The following BEAN1 variants were observed in gnomAD, a reference collection of about 807,000 sequenced individuals.
The protein encoded by BEAN1 is protein BEAN1.
A neutral mutation model predicts 17.7 loss-of-function variants in BEAN1; 17 were observed. The observed-to-expected ratio is 0.96, with a 90% confidence interval of 0.66 to 1.44. BEAN1 has a LOEUF of 1.44. Ranked by LOEUF, BEAN1 falls within the 40% of genes most tolerant of loss-of-function variation. BEAN1 has a pLI of 0.00. For synonymous variants in BEAN1, 142 were observed against 151.8 expected, an observed-to-expected ratio of 0.94 and a Z score of 0.47; for missense variants, 359 against 374.1, an observed-to-expected ratio of 0.96 and a Z score of 0.33.
chr16:66,478,533 C>T (rs984307539), intron 4 of BEAN1, among the ~76,000 whole-genome samples: 2 of 152,130 alleles, frequency 1.3e-5, no homozygotes, highest in African/African-American at 4.8e-5. Context: ...ACCCGGGAGG[C>T]GGAGGTTGTA....
At chr16:66,438,950 A>G (rs1962141616) in intron 2 of BEAN1, among the ~76,000 whole-genome samples, 1 of 152,080 alleles carries the variant, frequency 6.6e-6, no homozygotes, top group Non-Finnish European at 1.5e-5. Flanking sequence ...TCCCCTGCTC[A>G]CTGTGGGTAA....
At position 66,481,009 on chromosome 16, in the gene BEAN1, A is replaced by T; in HGVS notation, c.*84A>T. On this transcript the variant is annotated 3_prime_UTR_variant, in exon 5 of 5. Transcript: ENST00000536005. This position sits in a 1 kb window ranked among gnomAD's most constrained non-coding sequence, Gnocchi z 4.1. ...CACAAAGGCGTGCACACACACACAG[A>T]GATGCACACGTGACTCATAACACAC... is the stretch of plus-strand genomic sequence containing the variant. The T allele has an allele frequency of 8.5e-7, 1 of 1,180,994 alleles. No homozygotes were observed. The allele number at this position is 1,180,994 out of a possible 1,614,324, so 73.2% of individuals were successfully genotyped here. A position where few individuals can be genotyped will look rare whatever the true frequency, so the allele number is the denominator to read the frequency against.
chr16:66,438,516 C>T (rs1202548334), intron 2 of BEAN1, among the ~76,000 whole-genome samples: 2 of 152,150 alleles, frequency 1.3e-5, no homozygotes, highest in Non-Finnish European at 2.9e-5. Context: ...ACACACTTCT[C>T]GGGGTTTACT....
chr16:66,486,684 C>G (rs1348747538), downstream of BEAN1, among the ~76,000 whole-genome samples: 2 of 152,234 alleles, frequency 1.3e-5, no homozygotes, highest in Non-Finnish European at 1.5e-5. Flanking sequence ...ACATTCATCT[C>G]TCCTGGAATG....
At position 66,473,696 on chromosome 16, in the gene BEAN1, CTAAA is replaced by C. The variant is rs535920093; in HGVS notation, c.290-3840_290-3837del. Reference sequence around the variant, plus strand: ...TGAGCAACAGAGCAAGACCCTGTCTCTAAATAAATAAATAAATAAATAAATAATA... The same window carrying C: ...TGAGCAACAGAGCAAGACCCTGTCTCTAAATAAATAAATAAATAAATAATA... On this transcript the variant is annotated intron_variant, in intron 3 of 4. Transcript: ENST00000536005. The surrounding 1 kb of genome is among the most constrained non-coding windows in gnomAD (Gnocchi z 4.5). Among the ~76,000 whole-genome samples, 397 of 151,426 alleles carry C rather than the reference CTAAA, an allele frequency of 2.6e-3. No individual in the cohort carries two copies. Among genetic ancestry groups the C allele is most frequent in the African/African-American group, 8.8e-3 (364 of 41,350 alleles).
At chr16:66,461,191 C>T (rs1299593653) in intron 2 of BEAN1, among the ~76,000 whole-genome samples, 2 of 129,106 alleles carry the variant, frequency 1.5e-5, no homozygotes, top group Non-Finnish European at 3.2e-5. Flanking sequence ...ACAGGGAGAC[C>T]GGGGGTGGGA....
At chr16:66,449,541 A>C (rs955988838) in intron 2 of BEAN1, among the ~76,000 whole-genome samples, 1 of 129,740 alleles carries the variant, frequency 7.7e-6, no homozygotes, top group African/African-American at 3.0e-5. Context: ...CAGGAGGCAG[A>C]TGTTGCAGTG....
exon 5 of BEAN1, chr16:66,492,996 C>G (rs1346004532): frequency 5.7e-6 from 4 of 702,904 alleles, no homozygotes; most frequent in Non-Finnish European, 1.0e-5. Flanking sequence ...TGGGTGCGAT[C>G]TATGCTTTCC....
In BEAN1 at chr16:66,477,844, G is replaced by A. The variant is rs543025174; in HGVS notation, c.440+134G>A. 4.7e-6 allele frequency: 5 copies of A among 1,056,064 alleles called. No homozygotes were observed. The African/African-American group carries it at 8.4e-5, about 18-fold the overall frequency. 65.4% of individuals were successfully genotyped at this position (1,056,064 alleles called of 1,614,324 possible). ...CAGAAAACATCTGCTCAGTGGGCAT[G>A]GCCACCTCCTCCCCACTCCTGACCA... is the stretch of plus-strand genomic sequence containing the variant. On this transcript the variant is annotated intron_variant, in intron 4 of 4. Coordinates refer to ENST00000536005, the MANE Select transcript of BEAN1 (RefSeq NM_001178020.3).
At chr16:66,430,515 A>T (rs1961756450) in intron 1 of BEAN1, among the ~76,000 whole-genome samples, 1 of 152,248 alleles carries the variant, frequency 6.6e-6, no homozygotes, top group South Asian at 2.1e-4. Context: ...GATGATATGT[A>T]ATCAGTTATT....
At chr16:66,457,227 C>T (rs772272621) in intron 2 of BEAN1, among the ~76,000 whole-genome samples, 9 of 152,006 alleles carry the variant, frequency 5.9e-5, no homozygotes, top group South Asian at 4.2e-4. Flanking sequence ...GGATGAATGA[C>T]GGATGGATGG....
intron 4 of BEAN1, 130 bp downstream of exon 4, chr16:66,477,840 G>C (rs751776709): frequency 3.8e-5 from 42 of 1,111,254 alleles, no homozygotes; most frequent in Non-Finnish European, 4.5e-5. Context: ...TGCTCAGTGG[G>C]CATGGCCACC....
In BEAN1 at chr16:66,481,936, G is replaced by A. The variant is rs1377158378; in HGVS notation, c.*1011G>A. On this transcript the variant is annotated 3_prime_UTR_variant, in exon 5 of 5. Transcript: ENST00000536005. The surrounding 1 kb of genome is among the most constrained non-coding windows in gnomAD (Gnocchi z 4.1). The stretch of plus-strand genomic sequence containing the variant: ...GTGGCTGCTCATAGCTGGGGATGGT[G>A]AGTGGCTGTGTTCTGGCCTTGCCCA... 6.5e-6 allele frequency: 1 copy of A among 152,726 alleles called. No individual in the cohort carries two copies. The highest frequency in any genetic ancestry group is 2.4e-5 in the African/African-American group (1 of 41,460). The allele number at this position is 152,726 out of a possible 1,614,324, so 9.5% of individuals were successfully genotyped here.
At chr16:66,469,559 C>T in intron 2 of BEAN1, 43 bp from the exon 3 acceptor site, 1 of 1,501,838 alleles carries the variant, frequency 6.7e-7, no homozygotes, top group Non-Finnish European at 8.9e-7. Flanking sequence ...AGGGGTGTGG[C>T]AGGCCTGGGC....
chr16:66,429,192 A>G (rs985663899), intron 1 of BEAN1, among the ~76,000 whole-genome samples: 15 of 152,304 alleles, frequency 9.8e-5, no homozygotes, highest in African/African-American at 3.1e-4. Context: ...AGCACCAGGG[A>G]GACAGCCTAG....
Position 66,477,675 on chromosome 16 carries a change from G to C in BEAN1, c.405G>C (p.Thr135=), listed in dbSNP as rs558181483. 52 of 1,550,388 alleles carry C rather than the reference G, an allele frequency of 3.4e-5. No individual in the cohort carries two copies. In the African/African-American group the frequency reaches 6.4e-4, roughly 19 times the overall value. ...GCTCTGACGGGGACGTGGATGCCAC[G>C]GTGCTCAGGGAGCTGTACCCAGATT... is the stretch of plus-strand genomic sequence containing the variant. ...DISSDGDVDA[T]VLRELYPDSP... Residue 135 remains threonine, a synonymous_variant, in exon 4 of 5, where the codon ACG becomes ACC. Transcript: ENST00000536005.
At chr16:66,478,610 A>C (rs1963861735) in intron 4 of BEAN1, among the ~76,000 whole-genome samples, 1 of 150,580 alleles carries the variant, frequency 6.6e-6, no homozygotes, top group African/African-American at 2.5e-5. Context: ...TCAAAAAAAT[A>C]ATAATAAAAT....
intron 3 of BEAN1, among the ~76,000 whole-genome samples, chr16:66,474,895 G>C (rs187499578): frequency 1.3e-5 from 2 of 152,050 alleles, no homozygotes; most frequent in African/African-American, 4.8e-5. Flanking sequence ...CTTCACTCTC[G>C]GTCTCTTCAT....
At chr16:66,492,206 T>A (rs1486926001) in intron 4 of BEAN1, among the ~76,000 whole-genome samples, 1 of 151,912 alleles carries the variant, frequency 6.6e-6, no homozygotes, top group African/African-American at 2.4e-5. Flanking sequence ...CACACCTGGC[T>A]AATTTTTGTA....
Sources: allele counts gnomAD v4.1 joint callset (sites outside exome capture counted in the v4.1 genomes callset), GRCh38; gene constraint gnomAD v4.1.1; non-coding constraint Gnocchi (gnomAD v3.1); transcripts MANE v1.5; gene names NCBI Gene and HGNC (gene_info 2026-07-23, HGNC 2026-07-21).